Variants in PARVG observed in about 807,000 individuals in gnomAD.
The protein encoded by PARVG is parvin gamma, also known as gamma-parvin.
PARVG carries 36 observed loss-of-function variants against 44.4 expected under a neutral mutation model. The observed-to-expected ratio is 0.81, with a 90% CI of 0.62 to 1.07. The LOEUF is 1.07. Among genes scored for constraint, PARVG ranks in the 50% least tolerant of loss-of-function variants. The pLI is 0.00. For missense variants in PARVG, 407 were observed against 407.4 expected (o/e 1.00, Z 0.01); for synonymous variants, 170 against 174.1 (o/e 0.98, Z 0.19).
At chr22:44,187,500 A>G (rs2054489918) in intron 4 of PARVG, 3 of 521,698 alleles carry the variant, frequency 5.8e-6, no homozygotes, top group Non-Finnish European at 1.0e-5. Flanking sequence ...TTGCTATGGT[A>G]GTACCCCACT....
At chr22:44,194,009 C>T (rs535012422) in intron 9 of PARVG, among the ~76,000 whole-genome samples, 186 bp downstream of exon 9, 1 of 152,318 alleles carries the variant, frequency 6.6e-6, no homozygotes, top group Admixed American at 6.5e-5. Flanking sequence ...CTGGCTGCTC[C>T]TTCTCATGAT....
intron 4 of PARVG, chr22:44,186,682 A>G: frequency 2.1e-6 from 1 of 470,730 alleles, no homozygotes; most frequent in Non-Finnish European, 4.4e-6. Flanking sequence ...TCTCCTCCAC[A>G]GGCTGATCCA....
intron 7 of PARVG, among the ~76,000 whole-genome samples, chr22:44,191,095 T>C (rs1017481246): frequency 6.6e-6 from 1 of 152,224 alleles, no homozygotes; most frequent in African/African-American, 2.4e-5. Context: ...GCTGTGACAG[T>C]GCCCTGTTCT....
chr22:44,194,795 A>G (rs753679295), intron 9 of PARVG, among the ~76,000 whole-genome samples: 1 of 150,680 alleles, frequency 6.6e-6, no homozygotes, highest in Non-Finnish European at 1.5e-5. Context: ...CTATCCATCC[A>G]TCCATCCATA....
rs1703639512 is a variant in PARVG, at chr22:44,196,195, A to G, written c.624A>G (p.Lys208=). Residue 208 remains lysine, a synonymous_variant, in exon 10 of 14, where the codon AAA becomes AAG. Transcript: ENST00000444313. ...FDELFKLAPE[K]VNAVKEAIVN... ...AATTATTTAAGCTGGCTCCGGAGAA[A>G]GTGAACGCAGTGAAAGAGGTAGGAG... is the stretch of plus-strand genomic sequence containing the variant. 1.9e-6 allele frequency: 3 copies of G among 1,614,096 alleles called. No homozygotes were observed. The highest frequency in any genetic ancestry group is 1.7e-5 in the Admixed American group (1 of 60,010).
Position 44,181,128 on chromosome 22 carries a change from C to A in PARVG, c.-246C>A, listed in dbSNP as rs1973919733. The A allele has an allele frequency of 2.2e-6, 1 of 445,278 alleles. No homozygotes were observed. The highest frequency in any genetic ancestry group is 3.0e-6 in the Non-Finnish European group (1 of 335,944). 27.6% of individuals were successfully genotyped at this position (445,278 alleles called of 1,614,324 possible). On this transcript the variant is annotated 5_prime_UTR_variant, in exon 1 of 14. Transcript: ENST00000444313. ...GCCTTCCCGATCCCCTTGGCAACAA[C>A]CACCACCAATATTTATTCACTGAGC...
upstream of PARVG, among the ~76,000 whole-genome samples, chr22:44,180,000 T>C (rs978901251): frequency 6.6e-6 from 1 of 152,146 alleles, no homozygotes; most frequent in Admixed American, 6.5e-5. This position sits in a 1 kb window ranked among gnomAD's most constrained non-coding sequence, Gnocchi z 4.2. Flanking sequence ...TCCCCACCAT[T>C]TTCTCTCCTC....
intron 12 of PARVG, among the ~76,000 whole-genome samples, chr22:44,202,212 G>A (rs2054719562): frequency 6.6e-6 from 1 of 152,254 alleles, no homozygotes; most frequent in South Asian, 2.1e-4. Flanking sequence ...GAGCCAATGT[G>A]AGTCTCTGGG....
At chr22:44,202,746 A>C (rs957476859) in intron 12 of PARVG, among the ~76,000 whole-genome samples, 1 of 152,258 alleles carries the variant, frequency 6.6e-6, no homozygotes, top group African/African-American at 2.4e-5. Flanking sequence ...ATCTTGGCAG[A>C]GTAGCCTCTT....
chr22:44,185,782 G>T (rs371760527), intron 3 of PARVG, 26 bp from the exon 4 acceptor site: 2 of 1,604,686 alleles, frequency 1.2e-6, no homozygotes, highest in African/African-American at 2.7e-5. Context: ...GTCCCCATGC[G>T]CTTGTCATAC....
intron 1 of PARVG, among the ~76,000 whole-genome samples, chr22:44,174,295 C>T (rs1481771331): frequency 6.6e-6 from 1 of 152,094 alleles, no homozygotes; most frequent in African/African-American, 2.4e-5. Flanking sequence ...CAGCTGAAGC[C>T]TGGAGATGGT....
chr22:44,181,197 C>T lies in PARVG; in HGVS notation c.-189+12C>T, dbSNP rs61136986. On this transcript the variant is annotated intron_variant, in intron 1 of 13. Coordinates refer to ENST00000444313, the MANE Select transcript of PARVG (RefSeq NM_022141.7). Reference sequence around the variant, plus strand: ...TGTTCTAGACACGGGTATGTAACCGCGATTGAGAGAGACAGACCACGCACA... The same window carrying T: ...TGTTCTAGACACGGGTATGTAACCGTGATTGAGAGAGACAGACCACGCACA... The T allele has an allele frequency of 0.016, 7,132 of 446,040 alleles. 487 individuals are homozygous for T. Among genetic ancestry groups the T allele is most frequent in the African/African-American group, 0.14 (6,559 of 46,756 alleles). The allele number at this position is 446,040 out of a possible 1,614,324, so 27.6% of individuals were successfully genotyped here.
In PARVG at chr22:44,206,319, A is replaced by G. The variant is rs551274716; in HGVS notation, c.889A>G (p.Ile297Val). ...LLSCPVSPEDIVNKDAKSTLR... is the reference protein window; with the variant it reads ...LLSCPVSPEDVVNKDAKSTLR... ...CCCTGCCCTCCTTTGGCCCGCAGAT[A>G]TCGTGAACAAGGATGCCAAGAGCAC... The change falls in exon 14 of 14, where the codon ATC becomes GTC. Residue 297 changes from isoleucine (I) to valine (V), a missense_variant and splice_region_variant. Physicochemically the swap from Ile to Val is conservative, Grantham distance 29. Coordinates refer to ENST00000444313, the MANE Select transcript of PARVG (RefSeq NM_022141.7). The G allele has an allele frequency of 1.2e-5, 19 of 1,612,822 alleles. No homozygotes were observed. The South Asian group carries it at 1.4e-4, about 12-fold the overall frequency.
chr22:44,186,509 G>A (rs1470909399), intron 4 of PARVG: 1 of 468,226 alleles, frequency 2.1e-6, no homozygotes, highest in Non-Finnish European at 4.4e-6. Flanking sequence ...CAGAGGCTTT[G>A]TGGGCCATTT....
rs748688331 is a variant in PARVG, at chr22:44,181,768, C to T, written c.-162C>T. ...GAGGAGGAAGCTCCTGCCGGCTGAG[C>T]GGGCCTGGAGGAAGTGAGCAGCGGG... On this transcript the variant is annotated 5_prime_UTR_variant, in exon 2 of 14. Coordinates refer to ENST00000444313, the MANE Select transcript of PARVG (RefSeq NM_022141.7). 16 of 985,298 alleles carry T rather than the reference C, an allele frequency of 1.6e-5. No individual in the cohort carries two copies. Among genetic ancestry groups the T allele is most frequent in the Admixed American group, 6.1e-5 (1 of 16,266 alleles). The allele number at this position is 985,298 out of a possible 1,614,324, so 61.0% of individuals were successfully genotyped here. A position where few individuals can be genotyped will look rare whatever the true frequency, so the allele number is the denominator to read the frequency against.
chr22:44,193,752 G>C, intron 8 of PARVG, 49 bp from the exon 9 acceptor site: 1 of 1,604,814 alleles, frequency 6.2e-7, no homozygotes, highest in Non-Finnish European at 8.5e-7. Context: ...TAGGTTTGCG[G>C]GGTGTTTTTT....
At chr22:44,186,520 C>T (rs1478167612) in intron 4 of PARVG, 2 of 469,780 alleles carry the variant, frequency 4.3e-6, no homozygotes, top group East Asian at 7.0e-5. Context: ...TGGGCCATTT[C>T]CCATCCTCCT....
chr22:44,198,254 C>T (rs995544182), intron 11 of PARVG, among the ~76,000 whole-genome samples: 1 of 152,170 alleles, frequency 6.6e-6, no homozygotes, highest in Non-Finnish European at 1.5e-5. Context: ...ATGTGGCAGC[C>T]AGCGAGATGA....
At chr22:44,202,829 C>T (rs919579255) in intron 12 of PARVG, among the ~76,000 whole-genome samples, 8 of 152,102 alleles carry the variant, frequency 5.3e-5, no homozygotes, top group African/African-American at 9.7e-5. Context: ...ATTGTGGGCA[C>T]GGAAGTTAAG....
Sources: allele counts gnomAD v4.1 joint callset (sites outside exome capture counted in the v4.1 genomes callset), GRCh38; gene constraint gnomAD v4.1.1; non-coding constraint Gnocchi (gnomAD v3.1); transcripts MANE v1.5; gene names NCBI Gene and HGNC (gene_info 2026-07-23, HGNC 2026-07-21).